ZNF385D: variants seen among roughly 807,000 people sequenced by gnomAD.
ZNF385D encodes zinc finger protein 385D.
Under a neutral mutation model 35.8 loss-of-function variants are expected in ZNF385D, and 15 were observed. The ratio of observed to expected loss-of-function variants is 0.42; its 90% CI spans 0.28 to 0.64. ZNF385D has a LOEUF of 0.64. Among genes scored for constraint, ZNF385D ranks in the 30% least tolerant of loss-of-function variants. ZNF385D has a pLI of 0.23. For synonymous variants in ZNF385D, 212 were observed against 186.8 expected, an observed-to-expected ratio of 1.13 and a Z score of -1.10; for missense variants, 474 against 494.6, an observed-to-expected ratio of 0.96 and a Z score of 0.39.
At chr3:21,527,220 C>A (rs1235855327) in intron 3 of ZNF385D, among the ~76,000 whole-genome samples, 1 of 151,716 alleles carries the variant, frequency 6.6e-6, no homozygotes, top group Non-Finnish European at 1.5e-5. Context: ...TATTATTATA[C>A]AAAAAAAATG....
chr3:22,349,800 G>T (rs1226799394), intron 2 of ZNF385D, among the ~76,000 whole-genome samples: 2 of 152,020 alleles, frequency 1.3e-5, no homozygotes, highest in African/African-American at 4.8e-5. Context: ...AAATTCAAAA[G>T]TACACTGAGA....
At chr3:21,476,227 G>T (rs181603756) in intron 4 of ZNF385D, among the ~76,000 whole-genome samples, 1 of 152,114 alleles carries the variant, frequency 6.6e-6, no homozygotes, top group Admixed American at 6.6e-5. Flanking sequence ...CACTTTATTG[G>T]TGATCTCAGT....
At chr3:21,915,228 G>A (rs1226749091) in intron 3 of ZNF385D, among the ~76,000 whole-genome samples, 1 of 152,030 alleles carries the variant, frequency 6.6e-6, no homozygotes, top group Non-Finnish European at 1.5e-5. Context: ...CTCAGAAAAA[G>A]AGCTTATATT....
At chr3:22,363,693 G>C (rs924694968) in intron 2 of ZNF385D, among the ~76,000 whole-genome samples, 2 of 152,118 alleles carry the variant, frequency 1.3e-5, no homozygotes, top group Admixed American at 6.5e-5. Flanking sequence ...ACCAAGTCTG[G>C]TGAGTGTGTA....
intron 2 of ZNF385D, among the ~76,000 whole-genome samples, chr3:21,578,628 A>C (rs2063562582): frequency 6.6e-6 from 1 of 152,128 alleles, no homozygotes; most frequent in African/African-American, 2.4e-5. Context: ...CCTTTGTCAA[A>C]AATTAGTTGG....
chr3:21,978,470 G>T (rs1703778278), intron 3 of ZNF385D, among the ~76,000 whole-genome samples: 1 of 152,166 alleles, frequency 6.6e-6, no homozygotes. Flanking sequence ...TGCCATCACT[G>T]GCAAAAGTAG....
chr3:21,663,913 A>ATATATATATATATATATATATATG, intron 2 of ZNF385D, among the ~76,000 whole-genome samples: 1 of 121,432 alleles, frequency 8.2e-6, no homozygotes, highest in Non-Finnish European at 1.7e-5. Flanking sequence ...ATATATATAT[A>ATATATATATATATATATATATATG]TATATTTATT....
chr3:21,420,142 T>C lies in ZNF385D; in HGVS notation c.*1072A>G, dbSNP rs968895229. 6.6e-6 allele frequency: 1 copy of C among 152,194 alleles called. No individual in the cohort carries two copies. The highest frequency in any genetic ancestry group is 1.5e-5 in the Non-Finnish European group (1 of 68,036). 9.4% of individuals were successfully genotyped at this position (152,194 alleles called of 1,614,324 possible). On this transcript the variant is annotated 3_prime_UTR_variant, in exon 8 of 8. Coordinates refer to ENST00000281523, the MANE Select transcript of ZNF385D (RefSeq NM_024697.3). ...AAGAAAAACCCATAAAAATAGCTAA[T>C]GCTTAATTCTACCATCATACTTAAA...
chr3:21,968,282 C>T (rs1039224321), intron 3 of ZNF385D, among the ~76,000 whole-genome samples: 2 of 152,130 alleles, frequency 1.3e-5, no homozygotes, highest in South Asian at 4.1e-4. Context: ...GCAAGCCCTC[C>T]ACCATGGGCT....
chr3:21,945,684 C>G (rs1013611046), intron 3 of ZNF385D, among the ~76,000 whole-genome samples: 2 of 152,146 alleles, frequency 1.3e-5, no homozygotes, highest in African/African-American at 2.4e-5. Context: ...CAGTGATCCT[C>G]TGCCCAATTG....
intron 3 of ZNF385D, among the ~76,000 whole-genome samples, chr3:22,076,490 A>G (rs1394073720): frequency 1.3e-5 from 2 of 151,890 alleles, no homozygotes; most frequent in Non-Finnish European, 2.9e-5. Context: ...GCTTCCCATA[A>G]CCAAACCACT....
intron 2 of ZNF385D, among the ~76,000 whole-genome samples, chr3:22,250,924 C>T (rs1029026905): frequency 2.6e-5 from 4 of 152,028 alleles, no homozygotes; most frequent in Admixed American, 2.0e-4. Flanking sequence ...ACTTGAGAAT[C>T]GACCAAATGT....
At chr3:22,325,318 G>T (rs574176203) in intron 2 of ZNF385D, among the ~76,000 whole-genome samples, 2 of 152,218 alleles carry the variant, frequency 1.3e-5, no homozygotes, top group African/African-American at 2.4e-5. Flanking sequence ...ATGCTTCTTT[G>T]TATTTATTTT....
intron 2 of ZNF385D, among the ~76,000 whole-genome samples, chr3:22,328,166 T>C (rs528818400): frequency 1.3e-5 from 2 of 152,276 alleles, no homozygotes; most frequent in South Asian, 2.1e-4. Context: ...GCACTTTTTT[T>C]CCTTATTTCA....
chr3:22,301,409 C>A (rs908437996), intron 2 of ZNF385D, among the ~76,000 whole-genome samples: 1 of 151,784 alleles, frequency 6.6e-6, no homozygotes, highest in Non-Finnish European at 1.5e-5. Flanking sequence ...TTAAAAATTG[C>A]GAGGTGAGTG....
intron 2 of ZNF385D, among the ~76,000 whole-genome samples, chr3:22,206,620 C>T (rs1300354346): frequency 2.0e-5 from 3 of 151,530 alleles, no homozygotes; most frequent in Non-Finnish European, 4.4e-5. Context: ...CAATAGCAAG[C>T]GGAAGTTTGA....
chr3:21,826,271 T>C (rs1306272148), intron 3 of ZNF385D, among the ~76,000 whole-genome samples: 1 of 152,106 alleles, frequency 6.6e-6, no homozygotes, highest in Admixed American at 6.6e-5. Flanking sequence ...GGCTGGTACG[T>C]AGGAGAGAAC....
At chr3:22,255,151 A>G (rs565628544) in intron 2 of ZNF385D, among the ~76,000 whole-genome samples, 4 of 151,834 alleles carry the variant, frequency 2.6e-5, no homozygotes, top group African/African-American at 7.2e-5. Flanking sequence ...GGGAACTACT[A>G]TATTGTATAG....
rs147321853 is a variant in ZNF385D, at chr3:22,174,516, G to A, written c.107-5481C>T. ...AACCAAAATATTCTTGTTTTACAAT[G>A]ACTTCTCCCACTGTGTAATTTTTTT... is the stretch of plus-strand genomic sequence containing the variant. On this transcript the variant is annotated intron_variant, in intron 2 of 5. Coordinates refer to the ZNF385D transcript ENST00000494108. Among the ~76,000 whole-genome samples the A allele has an allele frequency of 3.3e-5, 5 of 152,240 alleles. No homozygotes were observed. In the East Asian group the frequency reaches 7.7e-4, roughly 24 times the overall value.
Sources: allele counts gnomAD v4.1 joint callset (sites outside exome capture counted in the v4.1 genomes callset), GRCh38; gene constraint gnomAD v4.1.1; transcripts MANE v1.5; gene names NCBI Gene and HGNC (gene_info 2026-07-23, HGNC 2026-07-21).